The following NTNG1 variants were observed in gnomAD, a reference collection of about 807,000 sequenced individuals.
NTNG1 encodes the protein netrin G1, also known as netrin-G1.
In NTNG1, 16 loss-of-function variants were observed where a neutral mutation model predicts 54.0. That is an observed-to-expected ratio of 0.30 (90% CI 0.20 to 0.45). The LOEUF is 0.45. NTNG1 is among the 20% of genes least tolerant of loss of function. The probability of loss-of-function intolerance (pLI) is 1.00; values close to 1 mark genes in which losing one functional copy is unlikely to be tolerated. For synonymous variants in NTNG1, 255 were observed against 263.1 expected (o/e 0.97, Z 0.30); for missense variants, 530 against 678.7 (o/e 0.78, Z 2.43).
chr1:107,397,178 C>T (rs552791440), intron 4 of NTNG1, among the ~76,000 whole-genome samples: 1 of 152,254 alleles, frequency 6.6e-6, no homozygotes, highest in Non-Finnish European at 1.5e-5. Context: ...CTTAGTTTTA[C>T]TGGTTTTCTG....
intron 2 of NTNG1, among the ~76,000 whole-genome samples, chr1:107,151,669 G>A (rs756334055): frequency 5.3e-5 from 8 of 152,078 alleles, no homozygotes; most frequent in Non-Finnish European, 7.4e-5. Flanking sequence ...TTAATATAAA[G>A]TTGAAGTTCA....
chr1:107,266,668 T>A (rs55929129), intron 2 of NTNG1, among the ~76,000 whole-genome samples: 2,219 of 151,280 alleles, frequency 0.015, 52 homozygotes, highest in African/African-American at 0.051. Context: ...ATAACCTGGA[T>A]CAAGTCATTT....
upstream of NTNG1, chr1:107,140,183 A>G (rs989668776): frequency 1.3e-5 from 2 of 152,838 alleles, no homozygotes; most frequent in African/African-American, 4.8e-5. Context: ...GACCGCTCGG[A>G]GCGCACAGGT....
At position 107,440,088 on chromosome 1, in the gene NTNG1, T is replaced by C. The variant is rs1323315707; in HGVS notation, c.1390+3289T>C. On this transcript the variant is annotated intron_variant, in intron 7 of 7. Transcript: ENST00000370068. ...GCCAAGCAGAAAACCAGTGGGAGAG[T>C]AGGGCTGACAGTGGTGTTGCAGTGA... is the stretch of plus-strand genomic sequence containing the variant. Among the ~76,000 whole-genome samples the C allele has an allele frequency of 2.0e-5, 3 of 150,552 alleles. No homozygotes were observed. In the East Asian group the frequency reaches 5.9e-4, roughly 30 times the overall value.
chr1:107,196,320 C>G (rs1658324041), intron 2 of NTNG1, among the ~76,000 whole-genome samples: 2 of 151,928 alleles, frequency 1.3e-5, no homozygotes, highest in African/African-American at 4.8e-5. Flanking sequence ...CCCACAAAAC[C>G]CCTTCCATGT....
intron 5 of NTNG1, chr1:107,421,144 G>A (rs749806902): frequency 6.2e-7 from 1 of 1,601,488 alleles, no homozygotes; most frequent in East Asian, 2.2e-5. Context: ...CACAAGAGAG[G>A]TAGGAATTCT....
chr1:107,439,454 A>T (rs921657089), intron 7 of NTNG1, among the ~76,000 whole-genome samples: 14 of 152,108 alleles, frequency 9.2e-5, no homozygotes, highest in Middle Eastern at 3.2e-3. Context: ...GTGATCCATC[A>T]TATGGTTTTA....
At chr1:107,404,835 T>G (rs1299365803) in intron 4 of NTNG1, among the ~76,000 whole-genome samples, 1 of 152,166 alleles carries the variant, frequency 6.6e-6, no homozygotes, top group African/African-American at 2.4e-5. Context: ...GAGCTCAGTT[T>G]CAAAGGTAAT....
At chr1:107,418,657 T>G in intron 5 of NTNG1, 3 of 1,564,210 alleles carry the variant, frequency 1.9e-6, no homozygotes, top group Non-Finnish European at 2.6e-6. Flanking sequence ...TAGGAGCATG[T>G]AAAATTCCTA....
chr1:107,432,614 A>G (rs1480152824), intron 6 of NTNG1, among the ~76,000 whole-genome samples: 1 of 152,204 alleles, frequency 6.6e-6, no homozygotes, highest in East Asian at 1.9e-4. Context: ...ATTTTACTGA[A>G]TGTCATTTAT....
intron 2 of NTNG1, among the ~76,000 whole-genome samples, chr1:107,294,372 G>T (rs1291743306): frequency 1.3e-5 from 2 of 152,194 alleles, no homozygotes; most frequent in South Asian, 2.1e-4. Flanking sequence ...CCCCGAGGGA[G>T]TCCCATAGTT....
chr1:107,395,538 A>G (rs1319664327), intron 4 of NTNG1: 2 of 733,130 alleles, frequency 2.7e-6, no homozygotes, highest in African/African-American at 3.4e-5. Context: ...ATTCACATCA[A>G]ATGTGTTGGG....
chr1:107,299,793 C>T (rs1231328344), intron 2 of NTNG1, among the ~76,000 whole-genome samples: 1 of 152,074 alleles, frequency 6.6e-6, no homozygotes, highest in East Asian at 1.9e-4. Context: ...GTTAAGCAGC[C>T]TGACAAGAAG....
chr1:107,164,827 A>C (rs111755077), intron 2 of NTNG1, among the ~76,000 whole-genome samples: 4,709 of 152,308 alleles, frequency 0.031, 104 homozygotes, highest in Middle Eastern at 0.061. Context: ...TTTTCTCAGC[A>C]AGGCAATTTT....
intron 4 of NTNG1, among the ~76,000 whole-genome samples, chr1:107,404,502 G>T (rs1454233714): frequency 1.3e-5 from 2 of 152,090 alleles, no homozygotes; most frequent in African/African-American, 2.4e-5. Context: ...CTTTATAGGG[G>T]ATAAAATCAC....
chr1:107,415,399 T>C (rs1674129569), intron 5 of NTNG1, among the ~76,000 whole-genome samples: 1 of 152,114 alleles, frequency 6.6e-6, no homozygotes, highest in African/African-American at 2.4e-5. Context: ...TTCCATGAAC[T>C]TTACTATGAT....
chr1:107,305,164 C>T (rs1224462972), intron 2 of NTNG1, among the ~76,000 whole-genome samples: 1 of 152,160 alleles, frequency 6.6e-6, no homozygotes, highest in Non-Finnish European at 1.5e-5. Context: ...GGTTCCACAT[C>T]TGTGCTATTG....
At chr1:107,316,343 G>T (rs1667335249) in intron 2 of NTNG1, among the ~76,000 whole-genome samples, 1 of 152,158 alleles carries the variant, frequency 6.6e-6, no homozygotes, top group South Asian at 2.1e-4. Context: ...TGTCAGGATG[G>T]TGAAACTCAC....
At chr1:107,255,303 G>A (rs1331008604) in intron 2 of NTNG1, among the ~76,000 whole-genome samples, 2 of 152,080 alleles carry the variant, frequency 1.3e-5, no homozygotes, top group Non-Finnish European at 2.9e-5. Flanking sequence ...TGTCATTATG[G>A]CAAAGATAGT....
Sources: gnomAD v4.1 joint callset for allele counts (sites outside exome capture counted in the v4.1 genomes callset) on GRCh38, gnomAD v4.1.1 for gene constraint, MANE v1.5 for transcripts, NCBI Gene and HGNC (gene_info 2026-07-23, HGNC 2026-07-21) for gene names.